The following ETV6 variants were observed in gnomAD, a reference collection of about 807,000 sequenced individuals.
ETV6 encodes the protein ETS variant transcription factor 6, also known as transcription factor ETV6.
ETV6 carries 16 observed loss-of-function variants against 51.1 expected under a neutral mutation model. The ratio of observed to expected loss-of-function variants is 0.31; its 90% confidence interval spans 0.21 to 0.48. The LOEUF is 0.48. Ranked by LOEUF, ETV6 falls within the 20% of genes least tolerant of loss-of-function variation. The pLI is 0.99. For missense variants in ETV6, 458 were observed against 594.8 expected, an observed-to-expected ratio of 0.77 and a Z score of 2.39; for synonymous variants, 240 against 224.1, an observed-to-expected ratio of 1.07 and a Z score of -0.64.
At chr12:11,756,566 C>A (rs576487202) in intron 2 of ETV6, among the ~76,000 whole-genome samples, 1 of 152,192 alleles carries the variant, frequency 6.6e-6, no homozygotes, top group Non-Finnish European at 1.5e-5. Flanking sequence ...CAAGGGTGCC[C>A]AGGCAAGGTC....
At chr12:11,790,526 G>A (rs774990585) in intron 2 of ETV6, among the ~76,000 whole-genome samples, 3 of 152,110 alleles carry the variant, frequency 2.0e-5, no homozygotes, top group Non-Finnish European at 4.4e-5. Context: ...CCATCCTGGA[G>A]GGTAGATTCT....
chr12:11,661,194 G>T (rs1448419150), intron 1 of ETV6, among the ~76,000 whole-genome samples: 1 of 151,854 alleles, frequency 6.6e-6, no homozygotes, highest in East Asian at 1.9e-4. Context: ...GTCTTGCTTT[G>T]TTGCCCAGGT....
intron 1 of ETV6, among the ~76,000 whole-genome samples, chr12:11,730,574 C>A (rs1300556456): frequency 6.6e-6 from 1 of 152,224 alleles, no homozygotes; most frequent in Non-Finnish European, 1.5e-5. Flanking sequence ...TGTGGACTCT[C>A]CTGTGAGGGA....
Position 11,890,926 on chromosome 12 carries a change from C to G in ETV6, c.1254-15C>G. On this transcript the variant is annotated splice_polypyrimidine_tract_variant and intron_variant, in intron 7 of 7. Transcript: ENST00000396373. The stretch of plus-strand genomic sequence containing the variant: ...AAAATGGAATCTCTTACCTCCTCCA[C>G]TTCTTCTTCCAAAGGTTTATGAAAA... 6.2e-7 allele frequency: 1 copy of G among 1,606,164 alleles called. No individual in the cohort carries two copies. The highest frequency in any genetic ancestry group is 2.2e-5 in the East Asian group (1 of 44,830).
At chr12:11,829,947 C>T (rs78916598) in intron 2 of ETV6, among the ~76,000 whole-genome samples, 1,590 of 152,272 alleles carry the variant, frequency 0.01, 27 homozygotes, top group African/African-American at 0.036. Context: ...CAGGCAGACC[C>T]AGAGGAGTGA....
chr12:11,698,935 C>T (rs1864927387), intron 1 of ETV6, among the ~76,000 whole-genome samples: 1 of 152,160 alleles, frequency 6.6e-6, no homozygotes, highest in African/African-American at 2.4e-5. Flanking sequence ...GTTATGTAAC[C>T]TGCCTAAAGT....
chr12:11,752,392 AT>A (rs1866048498), intron 1 of ETV6, 57 bp from the exon 2 acceptor site: 3 of 1,568,716 alleles, frequency 1.9e-6, no homozygotes, highest in African/African-American at 2.7e-5. Context: ...TCATACCTCC[AT>A]TCCAAGCTTT....
At chr12:11,830,306 A>G (rs1367948859) in intron 2 of ETV6, among the ~76,000 whole-genome samples, 1 of 152,202 alleles carries the variant, frequency 6.6e-6, no homozygotes, top group African/African-American at 2.4e-5. Flanking sequence ...TTTAGAGTGC[A>G]AGGGGCTTTT....
chr12:11,767,544 A>G (rs1945181354), intron 2 of ETV6, among the ~76,000 whole-genome samples: 1 of 152,244 alleles, frequency 6.6e-6, no homozygotes, highest in Non-Finnish European at 1.5e-5. Flanking sequence ...ACTTGGGGCC[A>G]GGAGGCCAGG....
intron 1 of ETV6, among the ~76,000 whole-genome samples, chr12:11,733,127 G>T (rs1289085529): frequency 6.6e-6 from 1 of 152,104 alleles, no homozygotes; most frequent in Non-Finnish European, 1.5e-5. Context: ...AACCACTTTG[G>T]GCTGGGCGCA....
intron 5 of ETV6, among the ~76,000 whole-genome samples, chr12:11,875,575 G>A (rs1357830511): frequency 2.0e-5 from 3 of 152,314 alleles, no homozygotes; most frequent in East Asian, 1.9e-4. Flanking sequence ...GTAGTCATCC[G>A]TGAGTCATGT....
At chr12:11,708,582 T>C (rs1023863787) in intron 1 of ETV6, among the ~76,000 whole-genome samples, 1 of 152,212 alleles carries the variant, frequency 6.6e-6, no homozygotes, top group African/African-American at 2.4e-5. Flanking sequence ...TGCTGTGTTA[T>C]CACAGGTACC....
At chr12:11,820,066 A>G (rs563528032) in intron 2 of ETV6, among the ~76,000 whole-genome samples, 62 of 152,324 alleles carry the variant, frequency 4.1e-4, no homozygotes, top group African/African-American at 1.4e-3. Flanking sequence ...CCTTACACAT[A>G]TGTCAACATA....
At chr12:11,772,670 TCCA>T (rs1366297002) in intron 2 of ETV6, among the ~76,000 whole-genome samples, 1 of 152,220 alleles carries the variant, frequency 6.6e-6, no homozygotes, top group Non-Finnish European at 1.5e-5. Context: ...GCAGTTCTCT[TCCA>T]CCACCAAGTC....
chr12:11,736,359 A>G (rs1374835387), intron 1 of ETV6, among the ~76,000 whole-genome samples: 1 of 152,210 alleles, frequency 6.6e-6, no homozygotes, highest in Admixed American at 6.5e-5. Flanking sequence ...AACATTACAT[A>G]GATAATTAGA....
rs527452805 is a variant in ETV6 at position 11,666,392 on chromosome 12, C to T, written c.33+16232C>T. ...GGAGGGACTAAACCAGTGAGAATGA[C>T]TGGGCATACTATGGGACTAGAAAAA... On this transcript the variant is annotated intron_variant, in intron 1 of 7. Coordinates refer to ENST00000396373, the MANE Select transcript of ETV6 (RefSeq NM_001987.5). Among the ~76,000 whole-genome samples, 93 of 152,184 alleles carry T rather than the reference C, an allele frequency of 6.1e-4. 5 individuals carry two copies. Among genetic ancestry groups the T allele is most frequent in the Non-Finnish European group, 2.9e-4 (20 of 68,040 alleles).
Position 11,853,550 on chromosome 12 carries a change from A to T in ETV6, c.452A>T (p.Asn151Ile), listed in dbSNP as rs1178933075. ...CAGCCGGAGGTCATACTGCATCAGAACCATGAAGAAGGTACTGGAAGAGGT... is the reference window on the plus strand; with the variant it reads ...CAGCCGGAGGTCATACTGCATCAGATCCATGAAGAAGGTACTGGAAGAGGT... ...HTQPEVILHQ[N>I]HEEDNCVQRT... The change falls in exon 4 of 8, where the codon AAC becomes ATC. Residue 151 changes from asparagine (N) to isoleucine (I), a missense_variant. By Grantham distance (149) the Asn-to-Ile change is moderately radical (BLOSUM62 -3). Coordinates refer to ENST00000396373, the MANE Select transcript of ETV6 (RefSeq NM_001987.5). 3 of 1,614,270 alleles carry T rather than the reference A, an allele frequency of 1.9e-6. No individual in the cohort carries two copies. The highest frequency in any genetic ancestry group is 2.5e-6 in the Non-Finnish European group (3 of 1,180,048).
At chr12:11,690,628 C>T (rs907379341) in intron 1 of ETV6, among the ~76,000 whole-genome samples, 6 of 152,114 alleles carry the variant, frequency 3.9e-5, no homozygotes, top group East Asian at 3.9e-4. Context: ...GTGGCTCATG[C>T]GTGTAATCCT....
At chr12:11,728,292 A>G (rs1175728876) in intron 1 of ETV6, among the ~76,000 whole-genome samples, 1 of 152,200 alleles carries the variant, frequency 6.6e-6, no homozygotes, top group Non-Finnish European at 1.5e-5. Flanking sequence ...AGAACAGTTT[A>G]TACCAGGGGT....
Sources: allele counts gnomAD v4.1 joint callset (sites outside exome capture counted in the v4.1 genomes callset), GRCh38; gene constraint gnomAD v4.1.1; transcripts MANE v1.5; gene names NCBI Gene and HGNC (gene_info 2026-07-23, HGNC 2026-07-21).